The following RREB1 variants were observed in gnomAD, a reference collection of about 807,000 sequenced individuals.
RREB1 encodes ras responsive element binding protein 1.
In RREB1, 27 loss-of-function variants were observed where a neutral mutation model predicts 117.8. The ratio of observed to expected loss-of-function variants is 0.23; its 90% CI spans 0.17 to 0.32. The LOEUF (loss-of-function observed/expected upper bound fraction) is 0.32. Among genes scored for constraint, RREB1 ranks in the 10% least tolerant of loss-of-function variants. The probability of loss-of-function intolerance (pLI) is 1.00; values close to 1 mark genes in which losing one functional copy is unlikely to be tolerated. For missense variants in RREB1, 2,577 were observed against 2,378.2 expected (o/e 1.08, Z -1.74); for synonymous variants, 1,298 against 1,026.7 (o/e 1.26, Z -5.05).
At chr6:7,241,982 G>A (rs940958003) in intron 11 of RREB1, among the ~76,000 whole-genome samples, 8 of 152,312 alleles carry the variant, frequency 5.3e-5, no homozygotes, top group South Asian at 2.1e-4. Flanking sequence ...TGGCAGGCAC[G>A]CGTTTGCTGC....
rs1766614533 is a variant in RREB1 at position 7,211,686 on chromosome 6, G to C, written c.684G>C (p.Glu228Asp). Residue 228 changes from glutamate (E) to aspartate (D), a missense_variant, in exon 8 of 13, where the codon GAG (glutamate) becomes GAC (aspartate). By Grantham distance (45) the Glu-to-Asp change is conservative. Transcript: ENST00000379938. ...VCKYGLETHM[E>D]THSDNPLRCD... The stretch of plus-strand genomic sequence containing the variant: ...AGTATGGACTGGAGACCCACATGGA[G>C]ACCCATTCAGATAACCCACTAAGGT... 1 of 1,614,150 alleles carries C rather than the reference G, an allele frequency of 6.2e-7. No individual in the cohort carries two copies. The highest frequency in any genetic ancestry group is 8.5e-7 in the Non-Finnish European group (1 of 1,179,990).
chr6:7,130,438 C>T (rs944559676), intron 1 of RREB1, among the ~76,000 whole-genome samples: 3 of 152,152 alleles, frequency 2.0e-5, no homozygotes, highest in Admixed American at 2.0e-4. Flanking sequence ...CCACCTGCAT[C>T]TGATCCCACT....
At chr6:7,189,432 T>C (rs1765280039) in intron 6 of RREB1, 110 bp downstream of exon 6, 1 of 1,024,786 alleles carries the variant, frequency 9.8e-7, no homozygotes, top group Non-Finnish European at 1.4e-6. Flanking sequence ...CAGAGAGTTC[T>C]GGAGCTCTGT....
At chr6:7,201,504 C>T (rs372224128) in intron 6 of RREB1, among the ~76,000 whole-genome samples, 1 of 142,706 alleles carries the variant, frequency 7.0e-6, no homozygotes, top group Non-Finnish European at 1.5e-5. Context: ...TCCCCCCCCC[C>T]CAACCCCCAT....
At chr6:7,152,064 G>C (rs1463457303) in intron 1 of RREB1, among the ~76,000 whole-genome samples, 1 of 152,214 alleles carries the variant, frequency 6.6e-6, no homozygotes, top group Non-Finnish European at 1.5e-5. Flanking sequence ...GATGCATTAT[G>C]AGTTTTAGAA....
chr6:7,190,508 G>A (rs1005085698), intron 6 of RREB1, among the ~76,000 whole-genome samples: 21 of 152,120 alleles, frequency 1.4e-4, no homozygotes, highest in African/African-American at 4.8e-4. Context: ...TAGAAGTGAG[G>A]TATAGTATGA....
intron 1 of RREB1, among the ~76,000 whole-genome samples, chr6:7,119,305 G>A (rs534013386): frequency 1.3e-4 from 20 of 152,026 alleles, no homozygotes; most frequent in Non-Finnish European, 2.4e-4. Context: ...AGCTGAGATC[G>A]TGCTACTGCG....
intron 1 of RREB1, among the ~76,000 whole-genome samples, chr6:7,143,001 C>G (rs1762686865): frequency 6.6e-6 from 1 of 152,186 alleles, no homozygotes; most frequent in African/African-American, 2.4e-5. Context: ...GCTTTCAAAA[C>G]TGCGTTAGAA....
At chr6:7,211,021 C>A in intron 7 of RREB1, 73 bp downstream of exon 7, 3 of 1,462,426 alleles carry the variant, frequency 2.1e-6, no homozygotes, top group Non-Finnish European at 2.8e-6. Flanking sequence ...TCTTTATTTT[C>A]TCAGTGTGGA....
At chr6:7,153,296 T>G (rs932020757) in intron 1 of RREB1, among the ~76,000 whole-genome samples, 4 of 151,958 alleles carry the variant, frequency 2.6e-5, no homozygotes, top group Admixed American at 2.6e-4. Flanking sequence ...AGAGATCACT[T>G]TCTCCTGTTT....
At chr6:7,134,089 TTG>T (rs1762257261) in intron 1 of RREB1, among the ~76,000 whole-genome samples, 1 of 152,176 alleles carries the variant, frequency 6.6e-6, no homozygotes, top group Admixed American at 6.5e-5. Flanking sequence ...TGGGCACTCA[TTG>T]TGTGAGTGAA....
intron 6 of RREB1, among the ~76,000 whole-genome samples, chr6:7,189,886 C>A (rs920569920): frequency 6.6e-6 from 1 of 152,110 alleles, no homozygotes; most frequent in Non-Finnish European, 1.5e-5. Context: ...GAGTGGTAGA[C>A]ATATTAAAAT....
At chr6:7,222,584 C>G (rs140073990) in intron 8 of RREB1, among the ~76,000 whole-genome samples, 1 of 152,004 alleles carries the variant, frequency 6.6e-6, no homozygotes, top group South Asian at 2.1e-4. Flanking sequence ...ATGAAGGTGT[C>G]CAGAAACAGG....
intron 4 of RREB1, among the ~76,000 whole-genome samples, chr6:7,182,472 G>A (rs1764859767): frequency 1.3e-5 from 2 of 152,166 alleles, no homozygotes; most frequent in South Asian, 2.1e-4. Flanking sequence ...GCCTGTGCTA[G>A]GGCTGCCGTT....
chr6:7,195,651 C>T (rs373700043), intron 6 of RREB1, among the ~76,000 whole-genome samples: 15 of 152,170 alleles, frequency 9.9e-5, no homozygotes, highest in East Asian at 3.9e-4. Flanking sequence ...GTTTCCCTTC[C>T]GCTACCACTG....
chr6:7,144,327 A>G (rs1762764397), intron 1 of RREB1, among the ~76,000 whole-genome samples: 1 of 152,254 alleles, frequency 6.6e-6, no homozygotes, highest in African/African-American at 2.4e-5. Flanking sequence ...TACACTGTAC[A>G]TATACAATTT....
intron 2 of RREB1, among the ~76,000 whole-genome samples, chr6:7,178,898 C>G (rs1021467447): frequency 2.6e-5 from 4 of 152,182 alleles, no homozygotes; most frequent in Non-Finnish European, 5.9e-5. Context: ...AAATGGCAAA[C>G]AACAAGGCTT....
intron 3 of RREB1, chr6:7,181,578 T>G: frequency 3.7e-6 from 2 of 540,302 alleles, no homozygotes; most frequent in Non-Finnish European, 6.4e-6. Flanking sequence ...CCTTTCCCAC[T>G]CTGCCTAACC....
intron 1 of RREB1, among the ~76,000 whole-genome samples, chr6:7,112,302 T>C (rs1484714986): frequency 1.3e-5 from 2 of 152,138 alleles, no homozygotes; most frequent in African/African-American, 4.8e-5. Context: ...GATGAGTAAC[T>C]ATCATCTCTT....
Sources: allele counts gnomAD v4.1 joint callset (sites outside exome capture counted in the v4.1 genomes callset), GRCh38; gene constraint gnomAD v4.1.1; transcripts MANE v1.5; gene names NCBI Gene and HGNC (gene_info 2026-07-23, HGNC 2026-07-21).